Variants in KCNK12 observed in about 807,000 individuals in gnomAD.
KCNK12 encodes the protein potassium channel subfamily K member 12.
Under a neutral mutation model 25.3 loss-of-function variants are expected in KCNK12, and 6 were observed. That is an observed-to-expected ratio of 0.24 (90% CI 0.13 to 0.47). The LOEUF (loss-of-function observed/expected upper bound fraction) is 0.47. KCNK12 is among the 20% of genes least tolerant of loss of function. The probability of loss-of-function intolerance (pLI) is 0.99; values close to 1 mark genes in which losing one functional copy is unlikely to be tolerated. For missense variants in KCNK12, 444 were observed against 661.7 expected, an observed-to-expected ratio of 0.67 and a Z score of 3.61; for synonymous variants, 331 against 311.1, an observed-to-expected ratio of 1.06 and a Z score of -0.67.
intron 1 of KCNK12, among the ~76,000 whole-genome samples, chr2:47,542,656 T>C (rs1372445903): frequency 6.6e-6 from 1 of 152,152 alleles, no homozygotes; most frequent in East Asian, 1.9e-4. Flanking sequence ...ATTTTTGTTT[T>C]ATCACAGAAA....
Position 47,540,142 on chromosome 2 carries a change from C to T in KCNK12, c.392-18334G>A, listed in dbSNP as rs921638873. Among the ~76,000 whole-genome samples, 13 of 152,206 alleles carry T rather than the reference C, an allele frequency of 8.5e-5. No homozygotes were observed. On this transcript the variant is annotated intron_variant, in intron 1 of 1. Coordinates refer to ENST00000327876, the MANE Select transcript of KCNK12 (RefSeq NM_022055.2). The surrounding 1 kb of genome is among the most constrained non-coding windows in gnomAD (Gnocchi z 5.4). ...AACACTAAATATGCTTCTTCAGCTC[C>T]TTATCAAGGTTAGGCCTCCACAAAG...
At chr2:47,527,029 G>A (rs1441201322) in intron 1 of KCNK12, among the ~76,000 whole-genome samples, 3 of 152,204 alleles carry the variant, frequency 2.0e-5, no homozygotes, top group Non-Finnish European at 4.4e-5. Context: ...GTTAAAGGGT[G>A]AAAAGCAGTT....
chr2:47,548,537 A>G lies in KCNK12; in HGVS notation c.391+21404T>C, dbSNP rs1669360569. On this transcript the variant is annotated intron_variant, in intron 1 of 1. Transcript: ENST00000327876. This position sits in a 1 kb window ranked among gnomAD's most constrained non-coding sequence, Gnocchi z 4.4. The stretch of plus-strand genomic sequence containing the variant: ...CTTTTTTATTCTTTTGCTTTCTCTC[A>G]CACCCTACATCTGATCCAGGAACAA... Among the ~76,000 whole-genome samples the G allele has an allele frequency of 6.6e-6, 1 of 152,022 alleles. No individual in the cohort carries two copies. Among genetic ancestry groups the G allele is most frequent in the Non-Finnish European group, 1.5e-5 (1 of 68,008 alleles).
chr2:47,534,236 C>A (rs747539581), intron 1 of KCNK12, among the ~76,000 whole-genome samples: 2 of 151,914 alleles, frequency 1.3e-5, no homozygotes, highest in Non-Finnish European at 2.9e-5. Flanking sequence ...AACCACCCCC[C>A]ACTCTGTGCT....
At chr2:47,527,367 A>ATAACC (rs1668806234) in intron 1 of KCNK12, among the ~76,000 whole-genome samples, 3 of 152,352 alleles carry the variant, frequency 2.0e-5, no homozygotes, top group African/African-American at 7.2e-5. Flanking sequence ...AGGTAGACTC[A>ATAACC]TAACCTCCCC....
In KCNK12 at chr2:47,528,585, ATCTCC is replaced by A. The variant is rs1558549856; in HGVS notation, c.392-6782_392-6778del. On this transcript the variant is annotated intron_variant, in intron 1 of 1. Transcript: ENST00000327876. The surrounding 1 kb of genome is among the most constrained non-coding windows in gnomAD (Gnocchi z 4.5). ...AAAGGCAAACCCAGCCACCCTGAGA[ATCTCC>A]TCCTCCCCCTCAATCACACCCTGCA... 6.6e-6 allele frequency among the ~76,000 whole-genome samples: 1 copy of A among 150,964 alleles called. No individual in the cohort carries two copies. The highest frequency in any genetic ancestry group is 6.6e-5 in the Admixed American group (1 of 15,192).
chr2:47,535,797 A>C (rs977155386), intron 1 of KCNK12, among the ~76,000 whole-genome samples: 1 of 152,124 alleles, frequency 6.6e-6, no homozygotes, highest in Non-Finnish European at 1.5e-5. Context: ...ATGAGCATTC[A>C]ATCATACTGC....
chr2:47,559,896 A>C (rs1415070575), intron 1 of KCNK12, among the ~76,000 whole-genome samples: 1 of 152,230 alleles, frequency 6.6e-6, no homozygotes, highest in African/African-American at 2.4e-5. Flanking sequence ...AGGGCATTCC[A>C]GGTGGAGAGT....
In KCNK12 at chr2:47,515,900, G is replaced by A. The variant is rs1278938238; in HGVS notation, c.*5007C>T. Among the ~76,000 whole-genome samples the A allele has an allele frequency of 6.6e-6, 1 of 152,234 alleles. No individual in the cohort carries two copies. The highest frequency in any genetic ancestry group is 1.5e-5 in the Non-Finnish European group (1 of 68,050). On this transcript the variant is annotated 3_prime_UTR_variant, in exon 2 of 2. Transcript: ENST00000327876. ...ACTGTGGGAAGGACCCCATGCAGAA[G>A]CAATAGGGCAGCCTGGTCCCATATC...
rs1027183417 is a variant in KCNK12, at chr2:47,556,708, G to A, written c.391+13233C>T. Among the ~76,000 whole-genome samples, 1 of 152,124 alleles carries A rather than the reference G, an allele frequency of 6.6e-6. No homozygotes were observed. The highest frequency in any genetic ancestry group is 1.5e-5 in the Non-Finnish European group (1 of 68,028). Reference sequence around the variant, plus strand: ...TCTGAAAAGGGAATGAATCCAAGCTGAGTTAAAAAAGAAATGCAGGCTCAA... The same window carrying A: ...TCTGAAAAGGGAATGAATCCAAGCTAAGTTAAAAAAGAAATGCAGGCTCAA... On this transcript the variant is annotated intron_variant, in intron 1 of 1. Transcript: ENST00000327876. This position sits in a 1 kb window ranked among gnomAD's most constrained non-coding sequence, Gnocchi z 4.8.
rs1668473738 is a variant in KCNK12 at position 47,514,334 on chromosome 2, C to T, written c.*6573G>A. Reference sequence around the variant, plus strand: ...GAGCCCTCAGCAGGCCGTACTGCAGCGCCCTGCCCCCGTCAGCCTCCAGGA... The same window carrying T: ...GAGCCCTCAGCAGGCCGTACTGCAGTGCCCTGCCCCCGTCAGCCTCCAGGA... On this transcript the variant is annotated 3_prime_UTR_variant, in exon 2 of 2. Coordinates refer to ENST00000327876, the MANE Select transcript of KCNK12 (RefSeq NM_022055.2). The surrounding 1 kb of genome is among the most constrained non-coding windows in gnomAD (Gnocchi z 5.0). Among the ~76,000 whole-genome samples, 2 of 152,204 alleles carry T rather than the reference C, an allele frequency of 1.3e-5. No individual in the cohort carries two copies. The highest frequency in any genetic ancestry group is 6.5e-5 in the Admixed American group (1 of 15,288).
At chr2:47,524,740 T>G (rs576699372) in intron 1 of KCNK12, among the ~76,000 whole-genome samples, 2 of 152,332 alleles carry the variant, frequency 1.3e-5, no homozygotes, top group East Asian at 3.9e-4. Context: ...TTTGTGAGTT[T>G]TTTTGTACTC....
At chr2:47,558,453 T>C (rs545947804) in intron 1 of KCNK12, among the ~76,000 whole-genome samples, 1 of 152,348 alleles carries the variant, frequency 6.6e-6, no homozygotes, top group African/African-American at 2.4e-5. Context: ...CCTTCCATTT[T>C]AGAAGAGAAC....
chr2:47,537,739 C>G (rs1222196452), intron 1 of KCNK12, among the ~76,000 whole-genome samples: 1 of 152,192 alleles, frequency 6.6e-6, no homozygotes, highest in Non-Finnish European at 1.5e-5. Context: ...TCCCAACAAG[C>G]ACTGTTAAGT....
chr2:47,522,237 A>T (rs1351881902), intron 1 of KCNK12, among the ~76,000 whole-genome samples: 1 of 152,224 alleles, frequency 6.6e-6, no homozygotes, highest in Non-Finnish European at 1.5e-5. Flanking sequence ...TCATAAATAC[A>T]TTAATATACT....
chr2:47,538,826 T>C lies in KCNK12; in HGVS notation c.392-17018A>G, dbSNP rs1017076854. On this transcript the variant is annotated intron_variant, in intron 1 of 1. Transcript: ENST00000327876. The surrounding 1 kb of genome is among the most constrained non-coding windows in gnomAD (Gnocchi z 4.5). ...CTTTCAGGGCAAAGTTTAGGTGATATAAATGTCCCTGAAATGAGAAAAACC... is the reference window on the plus strand; with the variant it reads ...CTTTCAGGGCAAAGTTTAGGTGATACAAATGTCCCTGAAATGAGAAAAACC... Among the ~76,000 whole-genome samples, 1 of 152,176 alleles carries C rather than the reference T, an allele frequency of 6.6e-6. No homozygotes were observed. Among genetic ancestry groups the C allele is most frequent in the Non-Finnish European group, 1.5e-5 (1 of 68,036 alleles).
At chr2:47,535,953 C>T (rs934768513) in intron 1 of KCNK12, among the ~76,000 whole-genome samples, 3 of 152,140 alleles carry the variant, frequency 2.0e-5, no homozygotes, top group African/African-American at 2.4e-5. Flanking sequence ...ATGGCACAAC[C>T]GGGATTGCAA....
At chr2:47,553,889 A>G (rs534193299) in intron 1 of KCNK12, among the ~76,000 whole-genome samples, 1 of 152,334 alleles carries the variant, frequency 6.6e-6, no homozygotes, top group African/African-American at 2.4e-5. Flanking sequence ...AGGTGGCATC[A>G]GACATACTGG....
rs755492929 is a variant in KCNK12 at position 47,521,198 on chromosome 2, G to C, written c.1002C>G (p.Ala334=). Residue 334 remains alanine (A), a synonymous_variant, in exon 2 of 2, where the codon GCC becomes GCG. Transcript: ENST00000327876. ...APGAPLARRN[A]ITPGSRLRRR... is the part of the protein sequence containing the mutation. The stretch of plus-strand genomic sequence containing the variant: ...GGCGCAGCCGGGAGCCTGGGGTGAT[G>C]GCATTGCGCCGGGCCAGGGGCGCGC... 2 of 1,511,636 alleles carry C rather than the reference G, an allele frequency of 1.3e-6. No individual in the cohort carries two copies. Among genetic ancestry groups the C allele is most frequent in the Non-Finnish European group, 1.8e-6 (2 of 1,131,400 alleles). 93.6% of individuals were successfully genotyped at this position (1,511,636 alleles called of 1,614,324 possible). A position where few individuals can be genotyped will look rare whatever the true frequency, so the allele number is the denominator to read the frequency against.
Sources: allele counts gnomAD v4.1 joint callset (sites outside exome capture counted in the v4.1 genomes callset), GRCh38; gene constraint gnomAD v4.1.1; non-coding constraint Gnocchi (gnomAD v3.1); transcripts MANE v1.5; gene names NCBI Gene and HGNC (gene_info 2026-07-23, HGNC 2026-07-21).